The following SGPP1 variants were observed in gnomAD, a reference collection of about 807,000 sequenced individuals.
SGPP1 encodes the protein hSPP1.
A neutral mutation model predicts 33.0 loss-of-function variants in SGPP1; 21 were observed. The ratio of observed to expected loss-of-function variants is 0.64; its 90% CI spans 0.45 to 0.92. The LOEUF is 0.92. Among genes scored for constraint, SGPP1 ranks in the 40% least tolerant of loss-of-function variants. The pLI is 0.00. For synonymous variants in SGPP1, 239 were observed against 241.2 expected (o/e 0.99, Z 0.08); for missense variants, 543 against 589.4 (o/e 0.92, Z 0.81).
At chr14:63,722,195 T>G (rs1885784796) in intron 1 of SGPP1, among the ~76,000 whole-genome samples, 1 of 152,016 alleles carries the variant, frequency 6.6e-6, no homozygotes, top group Non-Finnish European at 1.5e-5. Flanking sequence ...TAAAAGACAT[T>G]TCAAACAATG....
rs1336216854 is a variant in SGPP1, at chr14:63,686,106, C to T, written c.1325G>A (p.Ter442=). The T allele has an allele frequency of 6.4e-7, 1 of 1,563,204 alleles. No individual in the cohort carries two copies. Among genetic ancestry groups the T allele is most frequent in the Non-Finnish European group, 8.7e-7 (1 of 1,148,800 alleles). The part of the protein sequence containing the change: ...PYIFFFIGIS[*] Reference sequence around the variant, plus strand: ...CTTATCATAAACAATACTTCTCCATCAAGAGATACCAATAAAGAAAAATAT... The same window carrying T: ...CTTATCATAAACAATACTTCTCCATTAAGAGATACCAATAAAGAAAAATAT... Residue 442 remains the stop codon, a stop_retained_variant, in exon 3 of 3, where the codon TGA becomes TAA. Coordinates refer to ENST00000247225, the MANE Select transcript of SGPP1 (RefSeq NM_030791.4).
chr14:63,689,640 T>C (rs1885054011), intron 2 of SGPP1, among the ~76,000 whole-genome samples: 1 of 151,820 alleles, frequency 6.6e-6, no homozygotes, highest in African/African-American at 2.4e-5. Flanking sequence ...CTATTAAAAA[T>C]ACAAAATTAG....
intron 2 of SGPP1, among the ~76,000 whole-genome samples, chr14:63,688,241 G>A (rs558343148): frequency 3.3e-4 from 49 of 150,624 alleles, no homozygotes; most frequent in Non-Finnish European, 6.3e-4. Context: ...GCCTGAACCC[G>A]GGAGGCCGAG....
At chr14:63,704,089 A>G (rs1484334141) in intron 1 of SGPP1, among the ~76,000 whole-genome samples, 2 of 152,068 alleles carry the variant, frequency 1.3e-5, no homozygotes, top group Admixed American at 6.6e-5. Context: ...AGCCTCCCAA[A>G]GCACTGGAAT....
At chr14:63,697,927 A>G (rs2139634519) in intron 2 of SGPP1, among the ~76,000 whole-genome samples, 1 of 152,304 alleles carries the variant, frequency 6.6e-6, no homozygotes, top group Non-Finnish European at 1.5e-5. Context: ...GTTGGCTACT[A>G]ATTAAGATGC....
At chr14:63,725,612 C>T (rs1462867288) in intron 1 of SGPP1, among the ~76,000 whole-genome samples, 2 of 152,130 alleles carry the variant, frequency 1.3e-5, no homozygotes, top group Non-Finnish European at 2.9e-5. Flanking sequence ...TGTTTAAAAA[C>T]TAAATCTAAG....
chr14:63,726,027 G>GA (rs1259057003), intron 1 of SGPP1, among the ~76,000 whole-genome samples: 1 of 152,136 alleles, frequency 6.6e-6, no homozygotes, highest in Admixed American at 6.6e-5. Flanking sequence ...TGGTTAAACA[G>GA]AAAAAAACTT....
intron 2 of SGPP1, among the ~76,000 whole-genome samples, chr14:63,686,864 C>T (rs1017074333): frequency 6.6e-6 from 1 of 152,036 alleles, no homozygotes; most frequent in African/African-American, 2.4e-5. Flanking sequence ...CATAATTCTA[C>T]CCTTTTATAA....
At chr14:63,687,020 T>G (rs1884994410) in intron 2 of SGPP1, among the ~76,000 whole-genome samples, 1 of 152,248 alleles carries the variant, frequency 6.6e-6, no homozygotes, top group African/African-American at 2.4e-5. Context: ...ATGTATGTAA[T>G]TATCTCCATG....
intron 2 of SGPP1, among the ~76,000 whole-genome samples, chr14:63,693,027 T>C (rs1012085768): frequency 2.6e-5 from 4 of 152,118 alleles, no homozygotes; most frequent in South Asian, 2.1e-4. Flanking sequence ...CTCGACTTCC[T>C]GGGCTCAAGC....
chr14:63,724,349 C>T (rs192359417), intron 1 of SGPP1, among the ~76,000 whole-genome samples: 1 of 152,142 alleles, frequency 6.6e-6, no homozygotes, highest in Admixed American at 6.6e-5. Flanking sequence ...AACTCAGTTT[C>T]AAGAGATGTT....
chr14:63,686,279 T>C lies in SGPP1; in HGVS notation c.1152A>G (p.Lys384=). 6.2e-7 allele frequency: 1 copy of C among 1,614,184 alleles called. No individual in the cohort carries two copies. The highest frequency in any genetic ancestry group is 8.5e-7 in the Non-Finnish European group (1 of 1,180,020). Residue 384 remains lysine (K), a synonymous_variant, in exon 3 of 3, where the codon AAA becomes AAG. Transcript: ENST00000247225. Reference sequence around the variant, plus strand: ...TGCAGGCTAAAGGAATGGTGATCTTTTTCATTACATCTCTGATTATTAGTA... The same window carrying C: ...TGCAGGCTAAAGGAATGGTGATCTTCTTCATTACATCTCTGATTATTAGTA... ...VFVLIIRDVM[K]KITIPLACKI...
intron 1 of SGPP1, among the ~76,000 whole-genome samples, chr14:63,705,147 A>T (rs775018911): frequency 6.6e-6 from 1 of 151,022 alleles, no homozygotes; most frequent in Non-Finnish European, 1.5e-5. Flanking sequence ...CAAAAAAACA[A>T]AACAAAACAC....
rs1391071706 is a variant in SGPP1 at position 63,696,018 on chromosome 14, T to C, written c.774+2551A>G. 2.6e-5 allele frequency among the ~76,000 whole-genome samples: 4 copies of C among 152,212 alleles called. No homozygotes were observed. The East Asian group carries it at 7.7e-4, about 29-fold the overall frequency. On this transcript the variant is annotated intron_variant, in intron 2 of 2. Coordinates refer to ENST00000247225, the MANE Select transcript of SGPP1 (RefSeq NM_030791.4). ...AAAGAACAGTATCAGCCAGGCATGG[T>C]GGCTCACACCTGTAATCCCAGGACT...
intron 1 of SGPP1, among the ~76,000 whole-genome samples, chr14:63,700,647 A>C (rs1025822862): frequency 2.0e-5 from 3 of 152,204 alleles, no homozygotes; most frequent in Non-Finnish European, 4.4e-5. Flanking sequence ...TAAAATATAT[A>C]AATCATATAA....
intron 2 of SGPP1, among the ~76,000 whole-genome samples, chr14:63,691,853 T>C (rs1378730458): frequency 6.6e-6 from 1 of 152,078 alleles, no homozygotes; most frequent in African/African-American, 2.4e-5. Context: ...ACATATATTT[T>C]CAGTGCATGA....
chr14:63,705,696 A>G (rs1885396557), intron 1 of SGPP1, among the ~76,000 whole-genome samples: 1 of 152,156 alleles, frequency 6.6e-6, no homozygotes, highest in Non-Finnish European at 1.5e-5. Context: ...ATGAAAAATG[A>G]AAATCAAAAT....
At chr14:63,697,708 T>C (rs1885214473) in intron 2 of SGPP1, among the ~76,000 whole-genome samples, 1 of 152,104 alleles carries the variant, frequency 6.6e-6, no homozygotes, top group Non-Finnish European at 1.5e-5. Flanking sequence ...GTTAAGAATA[T>C]CTATAGTGAG....
intron 1 of SGPP1, among the ~76,000 whole-genome samples, chr14:63,710,261 G>GT (rs1885496027): frequency 3.3e-5 from 5 of 152,098 alleles, no homozygotes; most frequent in African/African-American, 1.2e-4. Flanking sequence ...ACCCAGCAAT[G>GT]CTAGAATTCT....
Sources: allele counts gnomAD v4.1 joint callset (sites outside exome capture counted in the v4.1 genomes callset), GRCh38; gene constraint gnomAD v4.1.1; transcripts MANE v1.5; gene names NCBI Gene and HGNC (gene_info 2026-07-23, HGNC 2026-07-21).